Variants in HSD17B12 observed in about 807,000 individuals in gnomAD.
HSD17B12 encodes the protein hydroxysteroid 17-beta dehydrogenase 12.
HSD17B12 carries 32 observed loss-of-function variants against 39.3 expected under a neutral mutation model. That is an observed-to-expected ratio of 0.81 (90% CI 0.61 to 1.09). HSD17B12 has a LOEUF of 1.09. HSD17B12 is among the 50% of genes least tolerant of loss of function. HSD17B12 has a pLI of 0.00. For missense variants in HSD17B12, 342 were observed against 382.9 expected, an observed-to-expected ratio of 0.89 and a Z score of 0.89; for synonymous variants, 150 against 146.7, an observed-to-expected ratio of 1.02 and a Z score of -0.16.
intron 1 of HSD17B12, chr11:43,734,368 G>A (rs1950297163): frequency 4.5e-6 from 4 of 898,858 alleles, no homozygotes; most frequent in Non-Finnish European, 7.5e-6. Context: ...CTGAGCAGAG[G>A]AAAAAGGCGG....
At chr11:43,613,975 T>C in the HSD17B12 span, among the ~76,000 whole-genome samples, 1 of 152,210 alleles carries the variant, frequency 6.6e-6, no homozygotes, top group Admixed American at 6.5e-5. Context: ...CTGCCTTCAA[T>C]GAATTTATGT....
At chr11:43,806,473 T>C (rs1452844221) in intron 4 of HSD17B12, 1 of 152,046 alleles carries the variant, frequency 6.6e-6, no homozygotes, top group African/African-American at 2.4e-5. Context: ...AAAGAAAATA[T>C]AGTATAGGTA....
chr11:43,564,890 T>G, the HSD17B12 span, among the ~76,000 whole-genome samples: 4 of 120,134 alleles, frequency 3.3e-5, no homozygotes, highest in Admixed American at 3.2e-4. Flanking sequence ...GGTTGAGTCT[T>G]TCTTCTTCTT....
intron 1 of HSD17B12, among the ~76,000 whole-genome samples, chr11:43,741,464 A>T (rs1413968486): frequency 1.3e-5 from 2 of 152,068 alleles, no homozygotes; most frequent in East Asian, 1.9e-4. Context: ...TTAAAAAAAA[A>T]TGCAGTACAT....
the HSD17B12 span, among the ~76,000 whole-genome samples, chr11:43,619,195 T>TG: frequency 8.9e-5 from 6 of 67,562 alleles, no homozygotes; most frequent in Non-Finnish European, 1.9e-4. Context: ...TATATATATA[T>TG]ATGATATATA....
the HSD17B12 span, among the ~76,000 whole-genome samples, chr11:43,560,622 G>C: frequency 6.6e-6 from 1 of 152,160 alleles, no homozygotes; most frequent in Non-Finnish European, 1.5e-5. Context: ...AATTCTGTAC[G>C]CATGGGCTAC....
intron 1 of HSD17B12, chr11:43,734,310 A>G: frequency 8.9e-7 from 1 of 1,119,334 alleles, no homozygotes; most frequent in Non-Finnish European, 1.4e-6. Context: ...GAAGCCAAAA[A>G]GGTGGCTCAG....
chr11:43,629,774 G>A, the HSD17B12 span, among the ~76,000 whole-genome samples: 1 of 152,298 alleles, frequency 6.6e-6, no homozygotes, highest in African/African-American at 2.4e-5. Flanking sequence ...CCTGATGTTA[G>A]GTCCAGAAGG....
At chr11:43,823,035 ATTAAT>A (rs1254193905) in intron 6 of HSD17B12, among the ~76,000 whole-genome samples, 2 of 151,994 alleles carry the variant, frequency 1.3e-5, no homozygotes, top group African/African-American at 4.8e-5. Context: ...ATATTTTTAT[ATTAAT>A]TTAATTTTTT....
At chr11:43,704,667 G>C (rs1384533122) in intron 1 of HSD17B12, among the ~76,000 whole-genome samples, 1 of 152,226 alleles carries the variant, frequency 6.6e-6, no homozygotes, top group African/African-American at 2.4e-5. Flanking sequence ...TTAGGAGCAT[G>C]CATATCGCAG....
the HSD17B12 span, among the ~76,000 whole-genome samples, chr11:43,672,302 G>A: frequency 6.6e-6 from 1 of 152,086 alleles, no homozygotes; most frequent in Non-Finnish European, 1.5e-5. Flanking sequence ...GCCTGCCTCG[G>A]CCTCCCAAAG....
intron 7 of HSD17B12, among the ~76,000 whole-genome samples, chr11:43,835,470 T>C (rs1193472493): frequency 6.6e-6 from 1 of 152,126 alleles, no homozygotes; most frequent in Non-Finnish European, 1.5e-5. Context: ...CTAAGTTGAA[T>C]ATTATTGCCT....
intron 5 of HSD17B12, among the ~76,000 whole-genome samples, chr11:43,815,935 G>A (rs562801740): frequency 5.3e-5 from 8 of 152,274 alleles, no homozygotes; most frequent in African/African-American, 1.9e-4. Context: ...CATCCTTGAT[G>A]CATGCATAAT....
the HSD17B12 span, among the ~76,000 whole-genome samples, chr11:43,561,525 T>C: frequency 1.3e-5 from 2 of 152,150 alleles, no homozygotes; most frequent in Admixed American, 6.5e-5. Context: ...GTGGACTAGT[T>C]TGTAAATAAA....
intron 5 of HSD17B12, 105 bp from the exon 6 acceptor site, chr11:43,816,242 A>G (rs1257009948): frequency 2.1e-6 from 2 of 947,960 alleles, no homozygotes; most frequent in Admixed American, 4.2e-5. Context: ...AATCTCTGCA[A>G]TATCTGGGGA....
At chr11:43,644,996 G>A in the HSD17B12 span, 1 of 152,158 alleles carries the variant, frequency 6.6e-6, no homozygotes, top group East Asian at 1.9e-4. Context: ...TTTAGTTCTA[G>A]GGAGCCAGCT....
chr11:43,700,739 C>T (rs7118910), intron 1 of HSD17B12, among the ~76,000 whole-genome samples: 73,468 of 151,974 alleles, frequency 0.48, 18,218 homozygotes, highest in Non-Finnish European at 0.53. Flanking sequence ...CATCTGTCGA[C>T]GGACACTTAG....
the HSD17B12 span, among the ~76,000 whole-genome samples, chr11:43,561,161 T>G: frequency 3.3e-5 from 5 of 152,204 alleles, no homozygotes; most frequent in South Asian, 1.0e-3. Context: ...GGAGATACCC[T>G]GACTGATCTG....
At chr11:43,651,780 C>T in the HSD17B12 span, among the ~76,000 whole-genome samples, 1,733 of 152,168 alleles carry the variant, frequency 0.011, 15 homozygotes, top group Non-Finnish European at 0.018. Flanking sequence ...GGTTTCACCA[C>T]GTTGGCCAGG....
Sources: allele counts gnomAD v4.1 joint callset (sites outside exome capture counted in the v4.1 genomes callset), GRCh38; gene constraint gnomAD v4.1.1; transcripts MANE v1.5; gene names NCBI Gene and HGNC (gene_info 2026-07-23, HGNC 2026-07-21).